ZNF584: variants seen among roughly 807,000 people sequenced by gnomAD.
ZNF584 encodes zinc finger protein 584.
In ZNF584, 12 loss-of-function variants were observed where a neutral mutation model predicts 14.7. That is an observed-to-expected ratio of 0.82 (90% CI 0.52 to 1.32). The LOEUF (loss-of-function observed/expected upper bound fraction) is 1.32. ZNF584 is among the 40% of genes most tolerant of loss of function. The pLI, the probability that ZNF584 is intolerant of heterozygous loss-of-function variation, is 0.00. For synonymous variants in ZNF584, 204 were observed against 190.9 expected, an observed-to-expected ratio of 1.07 and a Z score of -0.57; for missense variants, 478 against 518.8, an observed-to-expected ratio of 0.92 and a Z score of 0.76.
chr19:58,415,990 A>C (rs775329663), intron 3 of ZNF584: 16 of 1,581,784 alleles, frequency 1.0e-5, no homozygotes, highest in Non-Finnish European at 1.2e-5. Context: ...ACCAGCTACT[A>C]TTTTGGAATC....
Position 58,417,291 on chromosome 19 carries a change from T to G in ZNF584, c.773T>G (p.Val258Gly). ...GKTFNRKDAL[V>G]LHQRIHTGER... ...ACCTTCAACCGCAAAGACGCACTTG[T>G]TCTACACCAGAGGATTCACACTGGA... Residue 258 changes from valine to glycine, a missense_variant, in exon 4 of 4, where the codon GTT becomes GGT. Val to Gly is a moderately radical substitution (Grantham distance 109). Coordinates refer to ENST00000306910, the MANE Select transcript of ZNF584 (RefSeq NM_173548.3). 2 of 1,614,048 alleles carry G rather than the reference T, an allele frequency of 1.2e-6. No individual in the cohort carries two copies. The highest frequency in any genetic ancestry group is 1.7e-6 in the Non-Finnish European group (2 of 1,179,998).
intron 1 of ZNF584, 110 bp downstream of exon 1, chr19:58,409,275 G>A: frequency 8.2e-7 from 1 of 1,224,812 alleles, no homozygotes; most frequent in Non-Finnish European, 1.1e-6. Context: ...TCCAGGGGGA[G>A]GTCTTTGATG....
At chr19:58,405,698 A>C (rs1419726169), upstream of ZNF584, 25 of 127,960 alleles carry the variant, frequency 2.0e-4, no homozygotes, top group South Asian at 1.6e-3. Context: ...CGCTCCTCAC[A>C]TCCCGGACGG....
chr19:58,409,335 A>G (rs4801584), intron 1 of ZNF584, 170 bp downstream of exon 1: 192,945 of 790,466 alleles, frequency 0.24, 25,270 homozygotes, highest in Non-Finnish European at 0.27. Flanking sequence ...GATGTGCCGC[A>G]GGACTGGGAC....
chr19:58,416,806 TTCAGATGG>T lies in ZNF584; in HGVS notation c.293-3_297del. The T allele has an allele frequency of 3.3e-6, 5 of 1,529,590 alleles. No homozygotes were observed. The highest frequency in any genetic ancestry group is 4.4e-6 in the Non-Finnish European group (5 of 1,140,520). 94.8% of individuals were successfully genotyped at this position (1,529,590 alleles called of 1,614,324 possible). A position where few individuals can be genotyped will look rare whatever the true frequency, so the allele number is the denominator to read the frequency against. On this transcript the variant is annotated splice_acceptor_variant and splice_polypyrimidine_tract_variant and coding_sequence_variant and intron_variant, in exon 4 of 4. Transcript: ENST00000306910. LOFTEE classifies it high-confidence loss of function. ...CTCTTAGTAATGATTCATCTCTGCT[TTCAGATGG>T]TTTGTGTAGAGTGGAGGATGAGAGA...
intron 2 of ZNF584, among the ~76,000 whole-genome samples, chr19:58,410,545 A>ATG (rs1263457328): frequency 9.8e-5 from 3 of 30,590 alleles, no homozygotes; most frequent in South Asian, 6.8e-4. Context: ...ATATATATAT[A>ATG]TATATATATA....
chr19:58,416,732 T>C, intron 3 of ZNF584, 79 bp from the exon 4 acceptor site: 1 of 1,491,466 alleles, frequency 6.7e-7, no homozygotes, highest in East Asian at 2.3e-5. Flanking sequence ...TCCTTCTGGG[T>C]GTGTCTGACA....
chr19:58,410,203 C>T (rs1447859967), intron 2 of ZNF584, 112 bp downstream of exon 2: 10 of 1,369,576 alleles, frequency 7.3e-6, no homozygotes, highest in South Asian at 1.5e-5. Flanking sequence ...CCCAGATTCC[C>T]TGTTGTAGGT....
In ZNF584 at chr19:58,410,671, A is replaced by G. The variant is rs868169565; in HGVS notation, c.169+580A>G. Among the ~76,000 whole-genome samples the G allele has an allele frequency of 1.8e-4, 2 of 11,400 alleles. 1 individual carries two copies. Among genetic ancestry groups the G allele is most frequent in the Non-Finnish European group, 3.5e-4 (2 of 5,758 alleles). The allele number at this position is 11,400 out of a possible 152,430, so 7.5% of individuals were successfully genotyped here. On this transcript the variant is annotated intron_variant, in intron 2 of 3. Coordinates refer to ENST00000306910, the MANE Select transcript of ZNF584 (RefSeq NM_173548.3). ...TGTATATATGTGTATATATGTATAT[A>G]TGTGTATATATATGTATATATGTAT...
rs1188370488 is a variant in ZNF584, at chr19:58,410,075, A to G, written c.153A>G (p.Ala51=). The G allele has an allele frequency of 6.2e-7, 1 of 1,611,464 alleles. No individual in the cohort carries two copies. The highest frequency in any genetic ancestry group is 1.1e-5 in the South Asian group (1 of 90,788). The change falls in exon 2 of 4, where the codon GCA becomes GCG. Residue 51 remains alanine, a synonymous_variant. Transcript: ENST00000306910. ...LYRDVMLENF[A]LVSSLGLAPS... Reference sequence around the variant, plus strand: ...GGGATGTGATGCTGGAGAACTTTGCACTCGTTAGCTCACTGGGTAAGTCTC... The same window carrying G: ...GGGATGTGATGCTGGAGAACTTTGCGCTCGTTAGCTCACTGGGTAAGTCTC...
chr19:58,402,767 C>T (rs760285507), intron 1 of ZNF584, among the ~76,000 whole-genome samples: 2 of 132,324 alleles, frequency 1.5e-5, no homozygotes, highest in African/African-American at 5.8e-5. Context: ...GAGGTTGCGG[C>T]GAGCCGAGAT....
Position 58,409,963 on chromosome 19 carries a change from A to G in ZNF584, c.41A>G (p.Gln14Arg). 6.2e-7 allele frequency: 1 copy of G among 1,613,998 alleles called. No homozygotes were observed. ...EAEAQLDPSL[Q>R]GLVMFEDVTV... Reference sequence around the variant, plus strand: ...AAGGCTCAGTTGGACCCATCATTGCAGGGCTTGGTGATGTTTGAGGATGTG... The same window carrying G: ...AAGGCTCAGTTGGACCCATCATTGCGGGGCTTGGTGATGTTTGAGGATGTG... Residue 14 changes from glutamine (Q) to arginine (R), a missense_variant, in exon 2 of 4, where the codon CAG becomes CGG. Gln to Arg is a conservative substitution (Grantham distance 43). Transcript: ENST00000306910.
At chr19:58,404,063 A>C (rs1036292122), upstream of ZNF584, among the ~76,000 whole-genome samples, 3 of 152,072 alleles carry the variant, frequency 2.0e-5, no homozygotes, top group African/African-American at 7.2e-5. Flanking sequence ...TAAGTGGTTA[A>C]GAGAGAACTT....
At chr19:58,410,675 G>GTATA (rs544171240) in intron 2 of ZNF584, among the ~76,000 whole-genome samples, 3,455 of 48,852 alleles carry the variant, frequency 0.071, 692 homozygotes, top group Non-Finnish European at 0.094. Flanking sequence ...GTATATATGT[G>GTATA]TATATATATG....
At chr19:58,415,716 C>T in intron 3 of ZNF584, 70 bp downstream of exon 3, 1 of 1,609,440 alleles carries the variant, frequency 6.2e-7, no homozygotes, top group Non-Finnish European at 8.5e-7. Flanking sequence ...CCTGCATACA[C>T]CGATACCTTG....
rs2052669048 is a variant in ZNF584, at chr19:58,418,014, A to G, written c.*230A>G. ...AGTTTATCCACCGCCATCCACCTCT[A>G]TCCACCCCATAAGGTCCCTACAGCA... On this transcript the variant is annotated 3_prime_UTR_variant, in exon 4 of 4. Coordinates refer to ENST00000306910, the MANE Select transcript of ZNF584 (RefSeq NM_173548.3). 3.5e-6 allele frequency: 2 copies of G among 564,470 alleles called. No individual in the cohort carries two copies. Among genetic ancestry groups the G allele is most frequent in the Admixed American group, 3.3e-5 (1 of 30,734 alleles). The allele number at this position is 564,470 out of a possible 1,614,324, so 35.0% of individuals were successfully genotyped here.
chr19:58,408,753 TTC>T lies in ZNF584; in HGVS notation c.-394_-393del. 1 of 187,696 alleles carries T rather than the reference TTC, an allele frequency of 5.3e-6. No homozygotes were observed. The highest frequency in any genetic ancestry group is 1.1e-5 in the Non-Finnish European group (1 of 90,472). The allele number at this position is 187,696 out of a possible 1,614,324, so 11.6% of individuals were successfully genotyped here. A position where few individuals can be genotyped will look rare whatever the true frequency, so the allele number is the denominator to read the frequency against. On this transcript the variant is annotated 5_prime_UTR_variant, in exon 1 of 4. Transcript: ENST00000306910. ...GCGCGGGCCACGGGAGTTCCGGGAGTTCCGGCGTTGCCCGGCAGTCCGCAGTC... is the reference window on the plus strand; with the variant it reads ...GCGCGGGCCACGGGAGTTCCGGGAGTCGGCGTTGCCCGGCAGTCCGCAGTC...
At chr19:58,409,812 T>C in intron 1 of ZNF584, 129 bp from the exon 2 acceptor site, 1 of 1,130,504 alleles carries the variant, frequency 8.8e-7, no homozygotes, top group Non-Finnish European at 1.3e-6. Flanking sequence ...TGGGGAAGAG[T>C]TTAGAGCTCA....
chr19:58,410,542 T>TTTTTTTTTTTTTTTTTTTTTTTTG lies in ZNF584; in HGVS notation c.169+451_169+452insTTTTTTTTTTTTTTTTTTTTTTTG, dbSNP rs1568584343. 5.3e-3 allele frequency among the ~76,000 whole-genome samples: 82 copies of TTTTTTTTTTTTTTTTTTTTTTTTG among 15,372 alleles called. 14 individuals carry two copies. Among genetic ancestry groups the TTTTTTTTTTTTTTTTTTTTTTTTG allele is most frequent in the Non-Finnish European group, 9.4e-3 (68 of 7,216 alleles). 10.1% of individuals were successfully genotyped at this position (15,372 alleles called of 152,430 possible). ...AAATATATATATATATATATATATA[T>TTTTTTTTTTTTTTTTTTTTTTTTG]ATATATATATATATATGTGTATATA... On this transcript the variant is annotated intron_variant, in intron 2 of 3. Transcript: ENST00000306910.
Sources: gnomAD v4.1 joint callset for allele counts (sites outside exome capture counted in the v4.1 genomes callset) on GRCh38, gnomAD v4.1.1 for gene constraint, MANE v1.5 for transcripts, NCBI Gene and HGNC (gene_info 2026-07-23, HGNC 2026-07-21) for gene names.